The following NEBL variants were observed in gnomAD, a reference collection of about 807,000 sequenced individuals.
NEBL encodes nebulette, also known as LIM and SH3 protein 2.
NEBL carries 122 observed loss-of-function variants against 140.2 expected under a neutral mutation model. That is an observed-to-expected ratio of 0.87 (90% confidence interval 0.75 to 1.01). The LOEUF (loss-of-function observed/expected upper bound fraction) is 1.01. NEBL is among the 50% of genes least tolerant of loss of function. The pLI, the probability that NEBL is intolerant of heterozygous loss-of-function variation, is 0.00. For missense variants in NEBL, 1,365 were observed against 1,231.3 expected (o/e 1.11, Z -1.62); for synonymous variants, 436 against 398.9 (o/e 1.09, Z -1.11).
At chr10:20,815,226 T>C (rs1179536999) in intron 22 of NEBL, among the ~76,000 whole-genome samples, 2 of 152,242 alleles carry the variant, frequency 1.3e-5, no homozygotes, top group Non-Finnish European at 2.9e-5. Context: ...GTGGGGGTAA[T>C]GATCCATCTC....
In NEBL at chr10:20,799,454, A is replaced by T. The variant is rs373967333; in HGVS notation, c.2761+9056T>A. Among the ~76,000 whole-genome samples the T allele has an allele frequency of 5.9e-5, 9 of 152,264 alleles. No homozygotes were observed. The East Asian group carries it at 1.5e-3, about 26-fold the overall frequency. On this transcript the variant is annotated intron_variant, in intron 26 of 27. Transcript: ENST00000377122. ...TGCAGGCGTGCCCGGTTCATCACAG[A>T]CATTTAGTATTTCAATCATCAATTC...
intron 4 of NEBL, among the ~76,000 whole-genome samples, chr10:20,925,713 T>TA (rs35142286): frequency 0.74 from 109,412 of 147,660 alleles, 40,427 homozygotes; most frequent in Admixed American, 0.82. Flanking sequence ...GAACAACAAT[T>TA]AAAAAAAAAA....
intron 4 of NEBL, among the ~76,000 whole-genome samples, chr10:20,926,689 G>C (rs545361569): frequency 6.6e-4 from 101 of 152,334 alleles, no homozygotes; most frequent in Non-Finnish European, 1.2e-3. Flanking sequence ...CGGGTGCAGG[G>C]GGAGAGTGTG....
chr10:21,033,229 A>G (rs1833870193), intron 2 of NEBL, among the ~76,000 whole-genome samples: 1 of 152,208 alleles, frequency 6.6e-6, no homozygotes, highest in Non-Finnish European at 1.5e-5. Flanking sequence ...TATCTAAGAT[A>G]TGAGTATACT....
At chr10:21,186,828 C>T (rs965801056) in intron 3 of NEBL, among the ~76,000 whole-genome samples, 12 of 151,502 alleles carry the variant, frequency 7.9e-5, no homozygotes, top group Admixed American at 2.6e-4. Flanking sequence ...GTAAAAGCCA[C>T]GTAAATAGTT....
intron 1 of NEBL, among the ~76,000 whole-genome samples, chr10:21,255,075 T>C (rs552741863): frequency 6.6e-6 from 1 of 152,122 alleles, no homozygotes; most frequent in South Asian, 2.1e-4. Context: ...CAAACCTCCC[T>C]CCGAAGGGCC....
chr10:21,068,012 A>G (rs1835647577), intron 2 of NEBL, among the ~76,000 whole-genome samples: 1 of 152,184 alleles, frequency 6.6e-6, no homozygotes, highest in East Asian at 1.9e-4. Context: ...CCTATGAAGT[A>G]ATAAATACAA....
At chr10:20,885,806 T>C (rs1309702073) in intron 4 of NEBL, among the ~76,000 whole-genome samples, 1 of 152,210 alleles carries the variant, frequency 6.6e-6, no homozygotes, top group Non-Finnish European at 1.5e-5. Context: ...ACCCACATTA[T>C]CAGCAAGTGC....
intron 3 of NEBL, among the ~76,000 whole-genome samples, chr10:21,200,102 G>C (rs929122934): frequency 6.6e-6 from 1 of 151,824 alleles, no homozygotes; most frequent in African/African-American, 2.4e-5. Context: ...GCAACTTAAT[G>C]GTGTTTCCAT....
chr10:20,818,780 C>T, intron 20 of NEBL: 1 of 985,360 alleles, frequency 1.0e-6, no homozygotes, highest in Non-Finnish European at 1.2e-6. Flanking sequence ...AATAAGCAAA[C>T]ACAGCTAAGG....
At chr10:21,023,554 G>C (rs1838886049) in intron 2 of NEBL, among the ~76,000 whole-genome samples, 1 of 152,066 alleles carries the variant, frequency 6.6e-6, no homozygotes, top group African/African-American at 2.4e-5. Context: ...AAATAGCCAG[G>C]CATGGTGGCG....
intron 2 of NEBL, among the ~76,000 whole-genome samples, chr10:21,025,497 G>A (rs957330520): frequency 6.6e-6 from 1 of 152,116 alleles, no homozygotes; most frequent in African/African-American, 2.4e-5. Context: ...TTTTCTCTGT[G>A]AGATTCAGTT....
intron 3 of NEBL, among the ~76,000 whole-genome samples, chr10:20,976,828 A>C (rs1836819885): frequency 6.6e-6 from 1 of 151,948 alleles, no homozygotes; most frequent in Non-Finnish European, 1.5e-5. Flanking sequence ...TGCTATGCTC[A>C]CTATTCAGGC....
chr10:21,120,391 T>A lies in NEBL; in HGVS notation c.164+51992A>T, dbSNP rs1227710768. On this transcript the variant is annotated intron_variant, in intron 2 of 6. Coordinates refer to the NEBL transcript ENST00000417816. ...CTGTGTCTCAAAAAAAAAAAAAAAA[T>A]ACATATATATATATATATATATATA... Among the ~76,000 whole-genome samples, 338 of 95,668 alleles carry A rather than the reference T, an allele frequency of 3.5e-3. 8 individuals carry two copies. The highest frequency in any genetic ancestry group is 0.014 in the African/African-American group (312 of 21,870). 62.8% of individuals were successfully genotyped at this position (95,668 alleles called of 152,430 possible).
chr10:20,835,615 G>T lies in NEBL; in HGVS notation c.1347C>A (p.Tyr449Ter). ...TAATTATTGACTCCAGGTCTTTCTT[G>T]TATTCTTTCTGCAAAAGACAACATT... Reference protein sequence around the residue: ...RASEMASEKEYKKDLESIIKG... With the variant: ...RASEMASEKE Residue 449 changes from tyrosine to a stop codon, truncating the protein, a stop_gained, in exon 14 of 28, where the codon TAC (tyrosine) becomes TAA (stop). Transcript: ENST00000377122. LOFTEE classifies it high-confidence loss of function. 6.2e-7 allele frequency: 1 copy of T among 1,605,122 alleles called. No individual in the cohort carries two copies.
At chr10:21,239,575 G>T (rs533193061) in intron 3 of NEBL, among the ~76,000 whole-genome samples, 14 of 152,164 alleles carry the variant, frequency 9.2e-5, no homozygotes, top group East Asian at 7.7e-4. Context: ...GCTCTGGGAG[G>T]TCTCTTCTTT....
rs866988856 is a variant in NEBL at position 20,941,029 on chromosome 10, C to T, written c.357+20643G>A. 1.3e-4 allele frequency among the ~76,000 whole-genome samples: 20 copies of T among 152,288 alleles called. No individual in the cohort carries two copies. The Middle Eastern group carries it at 0.014, about 104-fold the overall frequency. On this transcript the variant is annotated intron_variant, in intron 4 of 6. Transcript: ENST00000417816. ...GGTACAAGAAGGAGCTGGTACCATT[C>T]CTTCTGAAACTATTCCAATCAATAG...
intron 3 of NEBL, among the ~76,000 whole-genome samples, chr10:21,186,067 T>C (rs1364523379): frequency 6.6e-6 from 1 of 152,102 alleles, no homozygotes; most frequent in East Asian, 1.9e-4. Flanking sequence ...CCTCTCTAAT[T>C]TCCCATCACT....
rs540536377 is a variant in NEBL at position 21,036,530 on chromosome 10, G to A, written c.165-16329C>T. Among the ~76,000 whole-genome samples the A allele has an allele frequency of 2.6e-5, 4 of 152,212 alleles. No individual in the cohort carries two copies. In the East Asian group the frequency reaches 7.7e-4, roughly 29 times the overall value. On this transcript the variant is annotated intron_variant, in intron 2 of 6. Transcript: ENST00000417816. ...AAGAAGGAAGACCCCTTAGTTGATA[G>A]TCAATGAATAGGAGCAGATTGATAG...
Sources: gnomAD v4.1 joint callset for allele counts (sites outside exome capture counted in the v4.1 genomes callset) on GRCh38, gnomAD v4.1.1 for gene constraint, MANE v1.5 for transcripts, NCBI Gene and HGNC (gene_info 2026-07-23, HGNC 2026-07-21) for gene names.